Variants in ARAP2 observed in about 807,000 individuals in gnomAD.
The protein encoded by ARAP2 is arf-GAP with Rho-GAP domain, ANK repeat and PH domain-containing protein 2.
ARAP2 carries 148 observed loss-of-function variants against 194.5 expected under a neutral mutation model. The observed-to-expected ratio is 0.76, with a 90% confidence interval of 0.67 to 0.87. The LOEUF (loss-of-function observed/expected upper bound fraction) is 0.87. Among genes scored for constraint, ARAP2 ranks in the 40% least tolerant of loss-of-function variants. The pLI is 0.00. For synonymous variants in ARAP2, 695 were observed against 683.5 expected, an observed-to-expected ratio of 1.02 and a Z score of -0.26; for missense variants, 2,128 against 1,989.7, an observed-to-expected ratio of 1.07 and a Z score of -1.32.
At chr4:36,028,624 A>G (rs1718370191) in intron 5 of ARAP2, among the ~76,000 whole-genome samples, 1 of 150,332 alleles carries the variant, frequency 6.7e-6, no homozygotes, top group South Asian at 2.1e-4. Flanking sequence ...TTTCCTGAAA[A>G]AATCAGTCTA....
Position 36,083,997 on chromosome 4 carries a change from A to G in ARAP2, c.4426-547T>C, listed in dbSNP as rs546544042. ...TGCTGGATGCTTCCTGCCCTTGAAC[A>G]TCAGACTCCCAAGTCCTTCAGCTTT... On this transcript the variant is annotated intron_variant, in intron 28 of 32. Transcript: ENST00000303965. Among the ~76,000 whole-genome samples, 3 of 152,234 alleles carry G rather than the reference A, an allele frequency of 2.0e-5. No homozygotes were observed. The East Asian group carries it at 5.8e-4, about 29-fold the overall frequency.
At chr4:36,203,793 C>G (rs1744958120) in intron 6 of ARAP2, among the ~76,000 whole-genome samples, 1 of 152,014 alleles carries the variant, frequency 6.6e-6, no homozygotes, top group African/African-American at 2.4e-5. Flanking sequence ...CAGTATTTTA[C>G]TCTAAATTGA....
At chr4:36,126,056 CT>C (rs955070596) in intron 21 of ARAP2, among the ~76,000 whole-genome samples, 17 of 151,934 alleles carry the variant, frequency 1.1e-4, no homozygotes, top group Non-Finnish European at 1.8e-4. Flanking sequence ...AGTGATATCT[CT>C]TTTGTACTGA....
At chr4:36,191,434 C>A (rs183566255) in intron 7 of ARAP2, among the ~76,000 whole-genome samples, 2 of 151,324 alleles carry the variant, frequency 1.3e-5, no homozygotes, top group Non-Finnish European at 2.9e-5. Flanking sequence ...AATAATTCCC[C>A]AGAGGTGATC....
At position 36,129,650 on chromosome 4, in the gene ARAP2, A is replaced by G. The variant is rs61798153; in HGVS notation, c.3428-905T>C. On this transcript the variant is annotated intron_variant, in intron 20 of 32. Transcript: ENST00000303965. ...TCTGTGACTGCTCTCTCAGTCTTCT[A>G]ATTTTTTCTGCTCAACTAATACTTA... Among the ~76,000 whole-genome samples the G allele has an allele frequency of 6.0e-3, 910 of 151,710 alleles. 5 individuals carry two copies. Among genetic ancestry groups the G allele is most frequent in the Non-Finnish European group, 9.5e-3 (644 of 67,854 alleles).
At chr4:36,056,346 G>C (rs2048374) in intron 2 of ARAP2, among the ~76,000 whole-genome samples, 1 of 151,948 alleles carries the variant, frequency 6.6e-6, no homozygotes, top group Non-Finnish European at 1.5e-5. Flanking sequence ...TTACCATTTT[G>C]TTGGAACTGT....
chr4:36,240,939 T>C (rs556942621), intron 1 of ARAP2, among the ~76,000 whole-genome samples: 1 of 152,332 alleles, frequency 6.6e-6, no homozygotes, highest in South Asian at 2.1e-4. Context: ...GGTTTAGGTG[T>C]TCTGGATAAT....
In ARAP2 at chr4:36,231,456, T is replaced by A. The variant is rs182090062; in HGVS notation, c.-159-1811A>T. Among the ~76,000 whole-genome samples the A allele has an allele frequency of 1.5e-3, 229 of 152,328 alleles. 1 individual carries two copies. Among genetic ancestry groups the A allele is most frequent in the South Asian group, 2.7e-3 (13 of 4,832 alleles). On this transcript the variant is annotated intron_variant, in intron 1 of 32. Transcript: ENST00000303965. Reference sequence around the variant, plus strand: ...TTCTACACAATTATTTTGCAACAAGTGTATTGTCTATTTTTACTAGCATTA... The same window carrying A: ...TTCTACACAATTATTTTGCAACAAGAGTATTGTCTATTTTTACTAGCATTA...
chr4:36,220,936 G>T (rs143658709), intron 2 of ARAP2, among the ~76,000 whole-genome samples: 1 of 151,714 alleles, frequency 6.6e-6, no homozygotes, highest in Non-Finnish European at 1.5e-5. Flanking sequence ...AAGTGTACAG[G>T]GTCTATAACG....
chr4:36,075,726 G>T (rs184606150), intron 31 of ARAP2, among the ~76,000 whole-genome samples: 5 of 151,988 alleles, frequency 3.3e-5, no homozygotes, highest in African/African-American at 9.6e-5. Flanking sequence ...TTGCTCCTTC[G>T]TTCTCTATCA....
Position 36,133,225 on chromosome 4 carries a change from C to A in ARAP2, c.3427+1G>T, listed in dbSNP as rs1217456293. 1.9e-6 allele frequency: 3 copies of A among 1,609,656 alleles called. No individual in the cohort carries two copies. The highest frequency in any genetic ancestry group is 2.5e-6 in the Non-Finnish European group (3 of 1,177,396). ...TTGAATAAAAACTCAGTGATACTTA[C>A]CATACTGTGTAACAAATGCTATACA... is the stretch of plus-strand genomic sequence containing the variant. On this transcript the variant is annotated splice_donor_variant, in intron 20 of 32. Coordinates refer to ENST00000303965, the MANE Select transcript of ARAP2 (RefSeq NM_015230.4). LOFTEE classifies it high-confidence loss of function.
intron 27 of ARAP2, among the ~76,000 whole-genome samples, chr4:36,106,673 C>G (rs566419878): frequency 6.6e-5 from 10 of 151,812 alleles, no homozygotes; most frequent in Non-Finnish European, 1.2e-4. Flanking sequence ...CAATTCAATA[C>G]TTAGTAACTG....
chr4:36,147,436 A>G, intron 18 of ARAP2, 77 bp from the exon 19 acceptor site: 2 of 1,572,542 alleles, frequency 1.3e-6, no homozygotes, highest in South Asian at 2.2e-5. Context: ...AAATATTAAT[A>G]CTGCTTAGTC....
downstream of ARAP2, among the ~76,000 whole-genome samples, chr4:36,062,662 G>GTGTA (rs760763090): frequency 6.8e-6 from 1 of 146,226 alleles, no homozygotes. Context: ...GTGTGTGTGT[G>GTGTA]TATAAAACAG....
chr4:36,080,126 T>C (rs1011125720), intron 31 of ARAP2, 90 bp downstream of exon 31: 2 of 1,055,814 alleles, frequency 1.9e-6, no homozygotes, highest in Non-Finnish European at 2.8e-6. Context: ...AAAATGCTTA[T>C]TAAAAATTCT....
rs191321914 is a variant in ARAP2, at chr4:36,142,126, A to G, written c.3263+5170T>C. Among the ~76,000 whole-genome samples, 11 of 151,832 alleles carry G rather than the reference A, an allele frequency of 7.2e-5. No homozygotes were observed. In the East Asian group the frequency reaches 2.1e-3, roughly 30 times the overall value. Reference sequence around the variant, plus strand: ...CACCCATGCCAGAAGCTCAGGGATCATCACTCTTATCTCCTAGTTCACAAA... The same window carrying G: ...CACCCATGCCAGAAGCTCAGGGATCGTCACTCTTATCTCCTAGTTCACAAA... On this transcript the variant is annotated intron_variant, in intron 19 of 32. Coordinates refer to ENST00000303965, the MANE Select transcript of ARAP2 (RefSeq NM_015230.4).
intron 6 of ARAP2, 48 bp from the exon 7 acceptor site, chr4:36,193,695 T>C: frequency 7.3e-7 from 1 of 1,371,842 alleles, no homozygotes; most frequent in Non-Finnish European, 1.0e-6. Flanking sequence ...AACATGAACT[T>C]AGATTGTTAA....
intron 6 of ARAP2, among the ~76,000 whole-genome samples, chr4:36,207,212 G>T (rs1017577655): frequency 6.6e-6 from 1 of 152,188 alleles, no homozygotes; most frequent in African/African-American, 2.4e-5. Context: ...CAAATCTGCT[G>T]AAAAGCTTAA....
intron 2 of ARAP2, chr4:36,052,126 G>T (rs1028094036): frequency 3.9e-5 from 6 of 152,058 alleles, no homozygotes; most frequent in Non-Finnish European, 8.8e-5. Flanking sequence ...CATCCAAGTA[G>T]AGTCATTAAA....
Sources: allele counts gnomAD v4.1 joint callset (sites outside exome capture counted in the v4.1 genomes callset), GRCh38; gene constraint gnomAD v4.1.1; transcripts MANE v1.5; gene names NCBI Gene and HGNC (gene_info 2026-07-23, HGNC 2026-07-21).